NRXN1: variants seen among roughly 807,000 people sequenced by gnomAD.
NRXN1 encodes the protein neurexin-1.
Under a neutral mutation model 150.9 loss-of-function variants are expected in NRXN1, and 39 were observed. That is an observed-to-expected ratio of 0.26 (90% CI 0.20 to 0.34). The LOEUF (loss-of-function observed/expected upper bound fraction) is 0.34, where lower values mean the gene tolerates loss of function less well. NRXN1 is among the 10% of genes least tolerant of loss of function. NRXN1 has a pLI of 1.00. For missense variants in NRXN1, 1,815 were observed against 1,949.9 expected, an observed-to-expected ratio of 0.93 and a Z score of 1.30; for synonymous variants, 924 against 757.0, an observed-to-expected ratio of 1.22 and a Z score of -3.62.
intron 5 of NRXN1, among the ~76,000 whole-genome samples, chr2:50,882,247 A>G (rs528733899): frequency 6.6e-6 from 1 of 152,032 alleles, no homozygotes; most frequent in East Asian, 1.9e-4. Flanking sequence ...GTGGTATTTT[A>G]TCACTAACAT....
At chr2:50,987,275 T>G (rs1697870523) in intron 2 of NRXN1, among the ~76,000 whole-genome samples, 1 of 151,844 alleles carries the variant, frequency 6.6e-6, no homozygotes, top group African/African-American at 2.4e-5. Context: ...CAATATAAAA[T>G]AAAAAAGTAT....
intron 21 of NRXN1, among the ~76,000 whole-genome samples, chr2:50,003,760 GATA>G (rs1263798447): frequency 6.6e-6 from 1 of 152,098 alleles, no homozygotes; most frequent in Non-Finnish European, 1.5e-5. Context: ...ATGTGAAATA[GATA>G]ATATTTCCAA....
chr2:49,960,650 G>A (rs1390332517), intron 21 of NRXN1, among the ~76,000 whole-genome samples: 1 of 152,148 alleles, frequency 6.6e-6, no homozygotes, highest in Non-Finnish European at 1.5e-5. Context: ...TATAGTGGAA[G>A]AAAGAAAGTG....
chr2:50,979,353 C>T (rs1042815522), intron 2 of NRXN1: 45 of 471,232 alleles, frequency 9.5e-5, no homozygotes, highest in Non-Finnish European at 1.3e-4. Context: ...CAGTATCCTC[C>T]TTGTTTAACA....
intron 8 of NRXN1, among the ~76,000 whole-genome samples, chr2:50,598,132 C>T (rs1218457612): frequency 1.3e-5 from 2 of 150,970 alleles, no homozygotes; most frequent in Admixed American, 6.6e-5. Flanking sequence ...GGCAAAACTG[C>T]GTCTCAAAGA....
At position 50,629,310 on chromosome 2, in the gene NRXN1, C is replaced by A. The variant is rs936789565; in HGVS notation, c.833-5695G>T. On this transcript the variant is annotated intron_variant, in intron 5 of 22. Transcript: ENST00000401669. Reference sequence around the variant, plus strand: ...GTGAATCTATGAGCTGCAACTGCAACAGAAATACAGATAAATCTCACAATA... The same window carrying A: ...GTGAATCTATGAGCTGCAACTGCAAAAGAAATACAGATAAATCTCACAATA... Among the ~76,000 whole-genome samples the A allele has an allele frequency of 4.0e-5, 6 of 151,554 alleles. No homozygotes were observed. In the East Asian group the frequency reaches 1.2e-3, roughly 29 times the overall value.
At chr2:50,932,990 C>T (rs1687992070) in intron 2 of NRXN1, among the ~76,000 whole-genome samples, 2 of 151,874 alleles carry the variant, frequency 1.3e-5, no homozygotes, top group South Asian at 4.1e-4. Flanking sequence ...AAAAAGGCTC[C>T]CAGTCCTCTT....
At chr2:50,379,118 A>G (rs1460546419) in intron 17 of NRXN1, among the ~76,000 whole-genome samples, 1 of 149,112 alleles carries the variant, frequency 6.7e-6, no homozygotes. Context: ...GGATAGAAAG[A>G]AAAAAAAAGA....
intron 18 of NRXN1, among the ~76,000 whole-genome samples, chr2:50,096,068 G>T (rs1700182961): frequency 6.6e-6 from 1 of 151,254 alleles, no homozygotes; most frequent in Non-Finnish European, 1.5e-5. Flanking sequence ...AACTTCAAAT[G>T]TCTTTGACAT....
At chr2:50,717,611 A>G (rs919764514) in intron 5 of NRXN1, among the ~76,000 whole-genome samples, 1 of 152,218 alleles carries the variant, frequency 6.6e-6, no homozygotes, top group Non-Finnish European at 1.5e-5. Context: ...AATTTCACTT[A>G]CAATTATAGT....
chr2:50,959,891 TAC>T (rs1480805621), intron 2 of NRXN1, among the ~76,000 whole-genome samples: 3 of 152,050 alleles, frequency 2.0e-5, no homozygotes, highest in African/African-American at 7.2e-5. Flanking sequence ...AAACTTGAGA[TAC>T]AGAGAAGTTA....
intron 22 of NRXN1, 39 bp from the exon 23 acceptor site, chr2:49,922,290 T>C (rs779928039): frequency 1.2e-5 from 18 of 1,562,154 alleles, no homozygotes; most frequent in South Asian, 3.4e-5. Flanking sequence ...AAAGTGATCA[T>C]TGAGTTCACT....
At chr2:50,374,543 T>A (rs1247093253) in intron 17 of NRXN1, among the ~76,000 whole-genome samples, 1 of 152,066 alleles carries the variant, frequency 6.6e-6, no homozygotes, top group Non-Finnish European at 1.5e-5. Flanking sequence ...CTGCTGTAAC[T>A]AAGAGCTTCC....
intron 12 of NRXN1, among the ~76,000 whole-genome samples, chr2:50,512,618 T>G (rs1328474396): frequency 6.6e-6 from 1 of 152,190 alleles, no homozygotes; most frequent in Non-Finnish European, 1.5e-5. Context: ...GCCTCTGTCT[T>G]CCTTGTTATT....
intron 17 of NRXN1, among the ~76,000 whole-genome samples, chr2:50,459,982 C>T (rs572218585): frequency 2.0e-3 from 311 of 151,950 alleles, no homozygotes; most frequent in African/African-American, 7.0e-3. Flanking sequence ...ATAATGCATT[C>T]GCATGGAAAA....
chr2:51,017,780 T>C (rs761166524), intron 2 of NRXN1, among the ~76,000 whole-genome samples: 18 of 152,060 alleles, frequency 1.2e-4, no homozygotes, highest in Non-Finnish European at 2.6e-4. Flanking sequence ...CATTTAACAT[T>C]TGTAGCATCA....
chr2:50,563,786 C>T (rs766098506), intron 8 of NRXN1, among the ~76,000 whole-genome samples: 2 of 152,160 alleles, frequency 1.3e-5, no homozygotes, highest in Admixed American at 6.5e-5. Context: ...GACTTCTATG[C>T]TTCCTCAACC....
At chr2:50,494,631 T>C (rs144796762) in intron 15 of NRXN1, among the ~76,000 whole-genome samples, 2,293 of 152,306 alleles carry the variant, frequency 0.015, 34 homozygotes, top group Non-Finnish European at 0.024. Flanking sequence ...ATTTTATATG[T>C]TGAGCAAATA....
intron 18 of NRXN1, among the ~76,000 whole-genome samples, chr2:50,194,198 T>G (rs946508394): frequency 2.6e-5 from 4 of 151,396 alleles, no homozygotes; most frequent in African/African-American, 7.2e-5. Context: ...TGACTAATAT[T>G]CACTTGAATT....
Sources: allele counts gnomAD v4.1 joint callset (sites outside exome capture counted in the v4.1 genomes callset), GRCh38; gene constraint gnomAD v4.1.1; transcripts MANE v1.5; gene names NCBI Gene and HGNC (gene_info 2026-07-23, HGNC 2026-07-21).